SRGAP1: variants seen among roughly 807,000 people sequenced by gnomAD.
SRGAP1 encodes SLIT-ROBO Rho GTPase activating protein 1.
Under a neutral mutation model 121.9 loss-of-function variants are expected in SRGAP1, and 43 were observed. That is an observed-to-expected ratio of 0.35 (90% CI 0.28 to 0.46). The LOEUF (loss-of-function observed/expected upper bound fraction) is 0.46, where lower values mean the gene tolerates loss of function less well. Ranked by LOEUF, SRGAP1 falls within the 20% of genes least tolerant of loss-of-function variation. The pLI is 1.00. For synonymous variants in SRGAP1, 447 were observed against 485.4 expected, an observed-to-expected ratio of 0.92 and a Z score of 1.04; for missense variants, 1,102 against 1,350.9, an observed-to-expected ratio of 0.82 and a Z score of 2.89.
chr12:63,981,261 C>T (rs898551276), intron 1 of SRGAP1, among the ~76,000 whole-genome samples: 1 of 151,704 alleles, frequency 6.6e-6, no homozygotes, highest in Non-Finnish European at 1.5e-5. Context: ...AAAATGAGAC[C>T]CAAGAAAAAA....
chr12:64,058,999 G>T (rs901046367), intron 6 of SRGAP1, among the ~76,000 whole-genome samples: 2 of 152,056 alleles, frequency 1.3e-5, no homozygotes, highest in African/African-American at 4.8e-5. Flanking sequence ...AAGCACCATA[G>T]GGGTCAGAGA....
intron 2 of SRGAP1, among the ~76,000 whole-genome samples, chr12:63,986,370 C>A (rs930324216): frequency 6.6e-6 from 1 of 152,072 alleles, no homozygotes; most frequent in Non-Finnish European, 1.5e-5. Flanking sequence ...AGTAACTTAA[C>A]TGTTGCTTTT....
At chr12:63,926,912 A>G (rs375495456) in intron 1 of SRGAP1, among the ~76,000 whole-genome samples, 2 of 152,172 alleles carry the variant, frequency 1.3e-5, no homozygotes, top group East Asian at 1.9e-4. Flanking sequence ...TATGATTTAA[A>G]TATGAGTTGT....
At chr12:64,005,868 T>C (rs1230399723) in intron 3 of SRGAP1, among the ~76,000 whole-genome samples, 1 of 152,138 alleles carries the variant, frequency 6.6e-6, no homozygotes, top group Admixed American at 6.5e-5. Context: ...AGAATAGGCA[T>C]TATATTTCTT....
At chr12:64,118,252 C>G (rs2036552676) in intron 18 of SRGAP1, among the ~76,000 whole-genome samples, 1 of 152,056 alleles carries the variant, frequency 6.6e-6, no homozygotes, top group Non-Finnish European at 1.5e-5. Flanking sequence ...CTTGGCAACG[C>G]TTATCTTTTT....
At chr12:63,975,621 G>T (rs1009673598) in intron 1 of SRGAP1, among the ~76,000 whole-genome samples, 1 of 151,550 alleles carries the variant, frequency 6.6e-6, no homozygotes, top group Non-Finnish European at 1.5e-5. Flanking sequence ...AGAATTTTGT[G>T]CGTGTTTTAC....
intron 8 of SRGAP1, among the ~76,000 whole-genome samples, chr12:64,071,475 A>T (rs1289881607): frequency 6.6e-6 from 1 of 152,208 alleles, no homozygotes; most frequent in Non-Finnish European, 1.5e-5. Flanking sequence ...AGCTATAAAG[A>T]TTATTAAGTT....
intron 8 of SRGAP1, among the ~76,000 whole-genome samples, chr12:64,069,967 G>T (rs1239956067): frequency 6.6e-6 from 1 of 152,164 alleles, no homozygotes; most frequent in Non-Finnish European, 1.5e-5. Context: ...GAACTCCTGG[G>T]CTCAAGCAAT....
chr12:64,130,221 G>A (rs1171585062), intron 21 of SRGAP1, among the ~76,000 whole-genome samples: 1 of 152,102 alleles, frequency 6.6e-6, no homozygotes, highest in African/African-American at 2.4e-5. Context: ...GTCTGAGTCA[G>A]TCACCTTAGC....
intron 6 of SRGAP1, among the ~76,000 whole-genome samples, chr12:64,056,568 G>A (rs866837961): frequency 3.1e-4 from 43 of 137,654 alleles, no homozygotes; most frequent in Middle Eastern, 3.8e-3. Flanking sequence ...AAAAAAAAAA[G>A]AGAGAAAGAA....
chr12:64,007,559 C>T (rs2034123309), intron 3 of SRGAP1, among the ~76,000 whole-genome samples: 1 of 152,042 alleles, frequency 6.6e-6, no homozygotes, highest in East Asian at 1.9e-4. Context: ...GGGTTGGGGA[C>T]CCCTGATATA....
chr12:64,058,754 AC>A (rs1181502852), intron 6 of SRGAP1, among the ~76,000 whole-genome samples: 1 of 151,928 alleles, frequency 6.6e-6, no homozygotes, highest in Non-Finnish European at 1.5e-5. Flanking sequence ...ATTACTCTAA[AC>A]CTTTTTAACC....
intron 1 of SRGAP1, among the ~76,000 whole-genome samples, chr12:63,965,826 T>C (rs2032774455): frequency 6.6e-6 from 1 of 152,208 alleles, no homozygotes; most frequent in Non-Finnish European, 1.5e-5. Context: ...TTCTTTTTTT[T>C]TGTTTGTTTG....
intron 1 of SRGAP1, among the ~76,000 whole-genome samples, chr12:63,877,396 C>T (rs925908942): frequency 3.9e-5 from 6 of 152,094 alleles, no homozygotes; most frequent in Non-Finnish European, 5.9e-5. Flanking sequence ...TTTAAATGCA[C>T]GTTGTTCTTC....
intron 21 of SRGAP1, among the ~76,000 whole-genome samples, chr12:64,134,871 A>G (rs1193240170): frequency 6.6e-6 from 1 of 152,064 alleles, no homozygotes; most frequent in Non-Finnish European, 1.5e-5. Context: ...CTAGTGTGGC[A>G]CACCTCTTCA....
intron 8 of SRGAP1, among the ~76,000 whole-genome samples, chr12:64,077,222 A>G (rs2035754075): frequency 6.6e-6 from 1 of 152,170 alleles, no homozygotes; most frequent in Admixed American, 6.5e-5. Flanking sequence ...TAGAAGCCAC[A>G]ACAAAGTACA....
intron 15 of SRGAP1, among the ~76,000 whole-genome samples, chr12:64,098,923 G>A (rs1392900636): frequency 4.6e-5 from 7 of 152,138 alleles, no homozygotes; most frequent in African/African-American, 1.7e-4. Flanking sequence ...TGCCAAATTG[G>A]CATTCCTCCC....
At chr12:64,018,649 A>T (rs1287100288) in intron 4 of SRGAP1, among the ~76,000 whole-genome samples, 1 of 152,246 alleles carries the variant, frequency 6.6e-6, no homozygotes, top group East Asian at 1.9e-4. Flanking sequence ...GCATCTGTGC[A>T]TATAAATTGA....
Position 63,919,499 on chromosome 12 carries a change from C to CATATATATATATATAT in SRGAP1, c.68-64440_68-64425dup, listed in dbSNP as rs10570691. Among the ~76,000 whole-genome samples the CATATATATATATATAT allele has an allele frequency of 6.1e-3, 820 of 133,634 alleles. 10 individuals carry two copies. Among genetic ancestry groups the CATATATATATATATAT allele is most frequent in the African/African-American group, 0.015 (480 of 32,344 alleles). The allele number at this position is 133,634 out of a possible 152,430, so 87.7% of individuals were successfully genotyped here. ...TTTTAATTGTTTTAACTTAACATTA[C>CATATATATATATATAT]ATATATATATATATATATATATACA... On this transcript the variant is annotated intron_variant, in intron 1 of 21. Transcript: ENST00000355086.
Sources: allele counts gnomAD v4.1 joint callset (sites outside exome capture counted in the v4.1 genomes callset), GRCh38; gene constraint gnomAD v4.1.1; transcripts MANE v1.5; gene names NCBI Gene and HGNC (gene_info 2026-07-23, HGNC 2026-07-21).